CNTFR: variants seen among roughly 807,000 people sequenced by gnomAD.
CNTFR encodes the protein ciliary neurotrophic factor receptor subunit alpha.
In CNTFR, 12 loss-of-function variants were observed where a neutral mutation model predicts 40.4. The observed-to-expected ratio is 0.30, with a 90% CI of 0.19 to 0.48. CNTFR has a LOEUF of 0.48. CNTFR is among the 20% of genes least tolerant of loss of function. The probability of loss-of-function intolerance (pLI) is 0.99; values close to 1 mark genes in which losing one functional copy is unlikely to be tolerated. For missense variants in CNTFR, 414 were observed against 506.8 expected (o/e 0.82, Z 1.76); for synonymous variants, 202 against 209.6 (o/e 0.96, Z 0.31).
upstream of CNTFR, among the ~76,000 whole-genome samples, chr9:34,589,907 C>A (rs913462436): frequency 6.6e-6 from 1 of 150,452 alleles, no homozygotes; most frequent in Non-Finnish European, 1.5e-5. The surrounding 1 kb of genome is among the most constrained non-coding windows in gnomAD (Gnocchi z 4.4). Context: ...GACCCCTCCC[C>A]GCCACGGGCC....
At position 34,551,794 on chromosome 9, in the gene CNTFR, T is replaced by C. The variant is rs1165622515; in HGVS notation, c.*277A>G. 1.7e-6 allele frequency: 1 copy of C among 590,232 alleles called. No individual in the cohort carries two copies. Among genetic ancestry groups the C allele is most frequent in the Non-Finnish European group, 3.0e-6 (1 of 331,394 alleles). 36.6% of individuals were successfully genotyped at this position (590,232 alleles called of 1,614,324 possible). On this transcript the variant is annotated 3_prime_UTR_variant, in exon 10 of 10. Transcript: ENST00000378980. The stretch of plus-strand genomic sequence containing the variant: ...CAAGGGCTCCTGGGAGTCGCTGGCA[T>C]TGGAGGGTCCAGCCCAAGGGGCCAG...
chr9:34,565,408 T>G (rs536517107), intron 3 of CNTFR, among the ~76,000 whole-genome samples: 1 of 152,090 alleles, frequency 6.6e-6, no homozygotes, highest in Admixed American at 6.6e-5. Flanking sequence ...TCTCTCCCTT[T>G]CCTCTGCCTT....
At chr9:34,559,491 C>T (rs186617932) in intron 4 of CNTFR, among the ~76,000 whole-genome samples, 2 of 152,352 alleles carry the variant, frequency 1.3e-5, no homozygotes, top group East Asian at 3.9e-4. Context: ...CTGCATTCTG[C>T]CTTCCACTGT....
chr9:34,582,481 C>CT (rs1827354960), intron 1 of CNTFR: 1 of 152,092 alleles, frequency 6.6e-6, no homozygotes, highest in Admixed American at 6.5e-5. Context: ...GACCCCTCAC[C>CT]TTCTATAAGA....
Position 34,552,999 on chromosome 9 carries a change from C to T in CNTFR, c.769-145G>A, listed in dbSNP as rs1825700841. ...AGGACTTCCCTGAGGAGAAGGAGGA[C>T]ATGGAGAATATTCTTGCCAGAGACT... On this transcript the variant is annotated intron_variant, in intron 7 of 9. Transcript: ENST00000378980. This position sits in a 1 kb window ranked among gnomAD's most constrained non-coding sequence, Gnocchi z 5.1. 1.4e-6 allele frequency: 1 copy of T among 716,414 alleles called. No homozygotes were observed. The highest frequency in any genetic ancestry group is 2.8e-5 in the Admixed American group (1 of 35,686). The allele number at this position is 716,414 out of a possible 1,614,324, so 44.4% of individuals were successfully genotyped here.
At chr9:34,587,979 G>A (rs1827612593) in intron 1 of CNTFR, among the ~76,000 whole-genome samples, 2 of 152,154 alleles carry the variant, frequency 1.3e-5, no homozygotes, top group Admixed American at 6.5e-5. Flanking sequence ...CAGTCCATAT[G>A]AATGTAAGCC....
chr9:34,564,965 T>A, intron 3 of CNTFR, 133 bp from the exon 4 acceptor site: 1 of 712,400 alleles, frequency 1.4e-6, no homozygotes, highest in Non-Finnish European at 2.4e-6. Flanking sequence ...TGTGTGAGTG[T>A]TTGGGGAGAT....
At chr9:34,564,890 G>A (rs369026485) in intron 3 of CNTFR, 58 bp from the exon 4 acceptor site, 19 of 1,466,738 alleles carry the variant, frequency 1.3e-5, no homozygotes, top group East Asian at 4.6e-5. Flanking sequence ...CCCAGCACCC[G>A]CAGGCGAGCG....
intron 4 of CNTFR, among the ~76,000 whole-genome samples, chr9:34,562,661 G>A (rs1299335877): frequency 6.6e-6 from 1 of 152,174 alleles, no homozygotes; most frequent in Non-Finnish European, 1.5e-5. Context: ...ACGACTTTTG[G>A]GCAGTGGGGT....
upstream of CNTFR, chr9:34,589,823 C>A (rs1827705730): frequency 1.3e-5 from 2 of 148,578 alleles, no homozygotes; most frequent in Admixed American, 1.3e-4. The surrounding 1 kb of genome is among the most constrained non-coding windows in gnomAD (Gnocchi z 4.4). Flanking sequence ...CGCGGGCGCC[C>A]GCTCGGCCGC....
chr9:34,555,152 G>A (rs1825784254), intron 7 of CNTFR, among the ~76,000 whole-genome samples: 1 of 152,242 alleles, frequency 6.6e-6, no homozygotes, highest in Admixed American at 6.5e-5. Context: ...GGGGGAGGGG[G>A]GCTTGTGAAA....
chr9:34,572,131 T>A (rs796319747), intron 2 of CNTFR, among the ~76,000 whole-genome samples: 30 of 152,022 alleles, frequency 2.0e-4, no homozygotes, highest in African/African-American at 7.2e-4. Context: ...CCCCAACCCC[T>A]AGGGTACAAG....
chr9:34,551,810 A>C lies in CNTFR; in HGVS notation c.*261T>G. 1 of 610,756 alleles carries C rather than the reference A, an allele frequency of 1.6e-6. No individual in the cohort carries two copies. The highest frequency in any genetic ancestry group is 2.9e-6 in the Non-Finnish European group (1 of 342,558). 37.8% of individuals were successfully genotyped at this position (610,756 alleles called of 1,614,324 possible). On this transcript the variant is annotated 3_prime_UTR_variant, in exon 10 of 10. Coordinates refer to ENST00000378980, the MANE Select transcript of CNTFR (RefSeq NM_147164.3). ...TCGCTGGCATTGGAGGGTCCAGCCC[A>C]AGGGGCCAGGGTGAGGGGGTCTTTG...
At chr9:34,556,866 A>T (rs1825854698) in intron 6 of CNTFR, among the ~76,000 whole-genome samples, 1 of 152,048 alleles carries the variant, frequency 6.6e-6, no homozygotes, top group Admixed American at 6.6e-5. Context: ...CCAAACTAAG[A>T]CCTGGGTCAA....
At chr9:34,562,995 C>T (rs535091720) in intron 4 of CNTFR, among the ~76,000 whole-genome samples, 2 of 152,174 alleles carry the variant, frequency 1.3e-5, no homozygotes, top group African/African-American at 4.8e-5. Flanking sequence ...GGGTCCTCTT[C>T]TCTCTTCACT....
intron 2 of CNTFR, among the ~76,000 whole-genome samples, chr9:34,579,276 A>ATCCG: frequency 1.3e-5 from 2 of 151,628 alleles, no homozygotes; most frequent in Middle Eastern, 6.8e-3. Flanking sequence ...GCTTGGATCA[A>ATCCG]TCCGTCCGCC....
At position 34,589,345 on chromosome 9, in the gene CNTFR, C is replaced by A. The variant is rs753549690; in HGVS notation, c.-112+210G>T. ...GCCCCACCACCACCACCACGCCCAACCCCCGGAGCGCCCGGACGTGGGGGG... is the reference window on the plus strand; with the variant it reads ...GCCCCACCACCACCACCACGCCCAAACCCCGGAGCGCCCGGACGTGGGGGG... On this transcript the variant is annotated intron_variant, in intron 1 of 9. Transcript: ENST00000378980. The surrounding 1 kb of genome is among the most constrained non-coding windows in gnomAD (Gnocchi z 4.4). Among the ~76,000 whole-genome samples the A allele has an allele frequency of 1.1e-4, 16 of 152,266 alleles. No individual in the cohort carries two copies. In the East Asian group the frequency reaches 3.1e-3, roughly 29 times the overall value.
At chr9:34,555,900 CCCGCCA>C in intron 7 of CNTFR, among the ~76,000 whole-genome samples, 1 of 145,296 alleles carries the variant, frequency 6.9e-6, no homozygotes, top group East Asian at 2.1e-4. Flanking sequence ...ATCTCCCTCC[CCCGCCA>C]TCTCCCTCCC....
At chr9:34,553,271 C>T (rs1261949395) in intron 7 of CNTFR, among the ~76,000 whole-genome samples, 1 of 152,094 alleles carries the variant, frequency 6.6e-6, no homozygotes, top group Non-Finnish European at 1.5e-5. Flanking sequence ...CCTCTCCCAC[C>T]AGGAAGCCAC....
Sources: gnomAD v4.1 joint callset for allele counts (sites outside exome capture counted in the v4.1 genomes callset) on GRCh38, gnomAD v4.1.1 for gene constraint, Gnocchi (gnomAD v3.1) non-coding constraint, MANE v1.5 for transcripts, NCBI Gene and HGNC (gene_info 2026-07-23, HGNC 2026-07-21) for gene names.